Variants in GPC6 observed in about 807,000 individuals in gnomAD.
GPC6 encodes glypican 6.
A neutral mutation model predicts 55.2 loss-of-function variants in GPC6; 14 were observed. The observed-to-expected ratio is 0.25, with a 90% CI of 0.17 to 0.40. The LOEUF (loss-of-function observed/expected upper bound fraction) is 0.40. Among genes scored for constraint, GPC6 ranks in the 10% least tolerant of loss-of-function variants. The pLI, the probability that GPC6 is intolerant of heterozygous loss-of-function variation, is 1.00. For synonymous variants in GPC6, 278 were observed against 259.6 expected, an observed-to-expected ratio of 1.07 and a Z score of -0.68; for missense variants, 641 against 708.5, an observed-to-expected ratio of 0.90 and a Z score of 1.08.
intron 3 of GPC6, among the ~76,000 whole-genome samples, chr13:93,944,503 C>T (rs1303941874): frequency 6.6e-6 from 1 of 152,130 alleles, no homozygotes; most frequent in Admixed American, 6.5e-5. Flanking sequence ...CACACCCAGC[C>T]CACCTTCTTC....
At chr13:94,023,408 G>A (rs1240075072) in intron 3 of GPC6, among the ~76,000 whole-genome samples, 2 of 151,508 alleles carry the variant, frequency 1.3e-5, no homozygotes, top group Non-Finnish European at 2.9e-5. Context: ...ATTATCCAGA[G>A]GAAACTCATG....
At chr13:93,486,662 C>G (rs1238102304) in intron 1 of GPC6, among the ~76,000 whole-genome samples, 3 of 152,098 alleles carry the variant, frequency 2.0e-5, no homozygotes, top group Admixed American at 6.6e-5. Flanking sequence ...AAGAGACCAT[C>G]TTGGCCGGGC....
chr13:93,563,827 A>C (rs1278929442), intron 2 of GPC6, among the ~76,000 whole-genome samples: 1 of 151,988 alleles, frequency 6.6e-6, no homozygotes, highest in Non-Finnish European at 1.5e-5. Flanking sequence ...GGAAATTATA[A>C]AAACTCTGTA....
intron 3 of GPC6, among the ~76,000 whole-genome samples, chr13:94,023,638 G>T (rs2138715336): frequency 6.6e-6 from 1 of 152,090 alleles, no homozygotes; most frequent in South Asian, 2.1e-4. Context: ...TTCTTTCAGA[G>T]AAATGAAAAT....
rs181386249 is a variant in GPC6, at chr13:93,964,288, C to T, written c.712-63441C>T. 3.8e-3 allele frequency among the ~76,000 whole-genome samples: 571 copies of T among 152,226 alleles called. 2 individuals carry two copies. The highest frequency in any genetic ancestry group is 6.3e-3 in the Non-Finnish European group (429 of 68,012). ...ATTCAGTCATTGCTTCCTTGACTAA[C>T]GTGGTGGTACTAACCCTGGGAAAAT... is the stretch of plus-strand genomic sequence containing the variant. On this transcript the variant is annotated intron_variant, in intron 3 of 8. Coordinates refer to ENST00000377047, the MANE Select transcript of GPC6 (RefSeq NM_005708.5).
chr13:93,988,258 G>T (rs1270945180), intron 3 of GPC6, among the ~76,000 whole-genome samples: 2 of 152,054 alleles, frequency 1.3e-5, no homozygotes, highest in Admixed American at 6.6e-5. Context: ...GCTATTGTCA[G>T]GGTCTGTGAA....
chr13:93,757,291 T>C (rs1051263763), intron 2 of GPC6, among the ~76,000 whole-genome samples: 25 of 152,042 alleles, frequency 1.6e-4, no homozygotes, highest in African/African-American at 6.0e-4. Context: ...GAATGGGAGA[T>C]TGGAGCTTCT....
chr13:93,321,909 C>A (rs976937504), intron 1 of GPC6, among the ~76,000 whole-genome samples: 22 of 152,130 alleles, frequency 1.4e-4, no homozygotes, highest in African/African-American at 5.1e-4. Flanking sequence ...TCTAGAAGTA[C>A]AGAACTTCTC....
rs1221081500 is a variant in GPC6, at chr13:93,895,241, T to C, written c.711+64696T>C. Among the ~76,000 whole-genome samples, 15 of 54,868 alleles carry C rather than the reference T, an allele frequency of 2.7e-4. 1 individual carries two copies. The highest frequency in any genetic ancestry group is 8.9e-4 in the African/African-American group (13 of 14,624). The allele number at this position is 54,868 out of a possible 152,430, so 36.0% of individuals were successfully genotyped here. ...GTATGTATGTGTGTGTGTGTATATA[T>C]ATATATATATATATATATATATATA... On this transcript the variant is annotated intron_variant, in intron 3 of 8. Coordinates refer to ENST00000377047, the MANE Select transcript of GPC6 (RefSeq NM_005708.5).
intron 4 of GPC6, among the ~76,000 whole-genome samples, chr13:94,252,045 G>A (rs550094959): frequency 1.3e-5 from 2 of 152,136 alleles, no homozygotes; most frequent in East Asian, 1.9e-4. Flanking sequence ...TCCTGGCACC[G>A]CTAACAACTG....
At chr13:93,954,617 G>A (rs1879413017) in intron 3 of GPC6, among the ~76,000 whole-genome samples, 1 of 152,150 alleles carries the variant, frequency 6.6e-6, no homozygotes, top group Non-Finnish European at 1.5e-5. Flanking sequence ...CTTTCCTGAT[G>A]TTGAGTTTAA....
intron 3 of GPC6, among the ~76,000 whole-genome samples, chr13:93,935,993 A>C (rs1005792810): frequency 8.5e-5 from 13 of 152,160 alleles, no homozygotes; most frequent in Non-Finnish European, 1.8e-4. Context: ...TAAACTTAAC[A>C]ATATTAAAGG....
chr13:94,157,422 T>A (rs2138907018), intron 4 of GPC6, among the ~76,000 whole-genome samples: 1 of 151,908 alleles, frequency 6.6e-6, no homozygotes, highest in African/African-American at 2.4e-5. Flanking sequence ...GTGATAGGAG[T>A]CAAAGCCCAG....
intron 1 of GPC6, among the ~76,000 whole-genome samples, chr13:93,272,129 C>T (rs892219184): frequency 3.3e-5 from 5 of 151,714 alleles, no homozygotes; most frequent in Admixed American, 3.3e-4. Context: ...ATGAATTCTT[C>T]ATTTGATAAT....
At chr13:94,356,775 A>T (rs1460195402) in intron 6 of GPC6, among the ~76,000 whole-genome samples, 1 of 152,126 alleles carries the variant, frequency 6.6e-6, no homozygotes, top group African/African-American at 2.4e-5. Context: ...GGTGGCATGC[A>T]TCTGTAATCC....
chr13:94,263,753 T>C (rs758818600), intron 4 of GPC6, among the ~76,000 whole-genome samples: 1 of 152,200 alleles, frequency 6.6e-6, no homozygotes, highest in African/African-American at 2.4e-5. Flanking sequence ...GTGAAGTCAG[T>C]GTTCTAGGAA....
intron 2 of GPC6, among the ~76,000 whole-genome samples, chr13:93,599,508 G>C (rs907202447): frequency 3.9e-5 from 6 of 152,014 alleles, no homozygotes; most frequent in African/African-American, 1.4e-4. Context: ...TCTGTGATTT[G>C]TCTAAAAAAT....
At chr13:94,142,449 G>C (rs1887413982) in intron 4 of GPC6, among the ~76,000 whole-genome samples, 1 of 152,178 alleles carries the variant, frequency 6.6e-6, no homozygotes, top group Non-Finnish European at 1.5e-5. Flanking sequence ...GTTCTGAAAA[G>C]TGTGATTAAA....
At chr13:93,811,712 T>C (rs1886699100) in intron 2 of GPC6, among the ~76,000 whole-genome samples, 1 of 152,124 alleles carries the variant, frequency 6.6e-6, no homozygotes, top group African/African-American at 2.4e-5. Flanking sequence ...AGATTGAGAA[T>C]GCAAAGTGAA....
Sources: allele counts gnomAD v4.1 joint callset (sites outside exome capture counted in the v4.1 genomes callset), GRCh38; gene constraint gnomAD v4.1.1; transcripts MANE v1.5; gene names NCBI Gene and HGNC (gene_info 2026-07-23, HGNC 2026-07-21).